DGKI: variants seen among roughly 807,000 people sequenced by gnomAD.
DGKI encodes the protein diacylglycerol kinase iota, also known as DAG kinase iota.
A neutral mutation model predicts 147.5 loss-of-function variants in DGKI; 55 were observed. The ratio of observed to expected loss-of-function variants is 0.37; its 90% CI spans 0.30 to 0.47. The LOEUF (loss-of-function observed/expected upper bound fraction) is 0.47. Ranked by LOEUF, DGKI falls within the 20% of genes least tolerant of loss-of-function variation. The probability of loss-of-function intolerance (pLI) is 1.00; values close to 1 mark genes in which losing one functional copy is unlikely to be tolerated. For missense variants in DGKI, 1,007 were observed against 1,323.8 expected (o/e 0.76, Z 3.71); for synonymous variants, 469 against 477.1 (o/e 0.98, Z 0.22).
At chr7:137,601,024 C>A (rs1446713707) in intron 10 of DGKI, among the ~76,000 whole-genome samples, 1 of 152,168 alleles carries the variant, frequency 6.6e-6, no homozygotes, top group Non-Finnish European at 1.5e-5. Flanking sequence ...GTAATCCCAG[C>A]ACCTTGGGAG....
At chr7:137,790,953 G>T (rs1268816899) in intron 1 of DGKI, among the ~76,000 whole-genome samples, 1 of 152,122 alleles carries the variant, frequency 6.6e-6, no homozygotes, top group Admixed American at 6.6e-5. Context: ...GCACCACTGG[G>T]GTCAGTGTTG....
At chr7:137,716,329 T>G (rs541446055) in intron 1 of DGKI, among the ~76,000 whole-genome samples, 3 of 152,336 alleles carry the variant, frequency 2.0e-5, no homozygotes, top group Non-Finnish European at 4.4e-5. Context: ...TTTAAATGAC[T>G]GTAAAAATTT....
At chr7:137,665,751 C>G (rs2116321032) in intron 3 of DGKI, among the ~76,000 whole-genome samples, 1 of 151,952 alleles carries the variant, frequency 6.6e-6, no homozygotes, top group African/African-American at 2.4e-5. Context: ...TTGTTTGAAC[C>G]AGAAAGAAAA....
intron 23 of DGKI, among the ~76,000 whole-genome samples, chr7:137,474,211 T>C (rs1052999835): frequency 3.9e-5 from 6 of 152,204 alleles, no homozygotes; most frequent in African/African-American, 1.2e-4. Flanking sequence ...TCTACATATA[T>C]AAAATGTACA....
Position 137,846,226 on chromosome 7 carries a change from C to T in DGKI, c.401+236G>A, listed in dbSNP as rs1168696260. On this transcript the variant is annotated intron_variant, in intron 1 of 32. Transcript: ENST00000614521. This position sits in a 1 kb window ranked among gnomAD's most constrained non-coding sequence, Gnocchi z 4.0. ...ACAGACAAAATTTCTGTTGCTCTGA[C>T]CTTAGGGACCCAGTGCTTCTCTCCT... Among the ~76,000 whole-genome samples, 4 of 150,212 alleles carry T rather than the reference C, an allele frequency of 2.7e-5. No individual in the cohort carries two copies. Among genetic ancestry groups the T allele is most frequent in the Admixed American group, 6.6e-5 (1 of 15,050 alleles).
chr7:137,560,084 A>T (rs1407193527), intron 19 of DGKI, among the ~76,000 whole-genome samples: 2 of 152,192 alleles, frequency 1.3e-5, no homozygotes, highest in East Asian at 3.9e-4. Context: ...TCACAACGAA[A>T]CACAATCCAG....
At chr7:137,457,691 T>C (rs1814258635) in intron 27 of DGKI, among the ~76,000 whole-genome samples, 2 of 152,316 alleles carry the variant, frequency 1.3e-5, no homozygotes, top group Admixed American at 1.3e-4. Context: ...TGTCCAAATT[T>C]CCTTGAGCAC....
chr7:137,400,808 T>C (rs1287118639), intron 30 of DGKI, among the ~76,000 whole-genome samples: 3 of 152,190 alleles, frequency 2.0e-5, no homozygotes, highest in African/African-American at 7.2e-5. Flanking sequence ...ATCAATTTAA[T>C]TAACTTCAAC....
chr7:137,641,230 G>A (rs1052780186), intron 6 of DGKI, among the ~76,000 whole-genome samples: 2 of 152,094 alleles, frequency 1.3e-5, no homozygotes, highest in Admixed American at 1.3e-4. Context: ...CCCCAGCCAC[G>A]TGGAACTGTA....
At chr7:137,818,717 C>T (rs1410209954) in intron 1 of DGKI, among the ~76,000 whole-genome samples, 1 of 152,160 alleles carries the variant, frequency 6.6e-6, no homozygotes, top group Non-Finnish European at 1.5e-5. Flanking sequence ...GCTGGGATTA[C>T]AGGCGTGAGC....
At chr7:137,564,888 C>T (rs1284908241) in intron 19 of DGKI, among the ~76,000 whole-genome samples, 7 of 152,344 alleles carry the variant, frequency 4.6e-5, no homozygotes, top group African/African-American at 1.4e-4. Context: ...CAACGCCTTG[C>T]GGGGCTCCTA....
chr7:137,392,669 G>C (rs367997630), intron 32 of DGKI, among the ~76,000 whole-genome samples: 3 of 152,256 alleles, frequency 2.0e-5, no homozygotes, highest in East Asian at 1.9e-4. Context: ...GAAGTTCCTT[G>C]AATAATTTTT....
rs758237982 is a variant in DGKI at position 137,645,499 on chromosome 7, C to G, written c.777G>C (p.Gln259His). The G allele has an allele frequency of 1.2e-6, 2 of 1,613,682 alleles. No individual in the cohort carries two copies. The highest frequency in any genetic ancestry group is 2.2e-5 in the South Asian group (2 of 91,030). ...VRHHWVHRRR[Q>H]EGKCKQCGKG... Reference sequence around the variant, plus strand: ...TACCACACTGCTTACATTTCCCCTCCTGCCGACGCCTGTGCACCCAGTGAT... The same window carrying G: ...TACCACACTGCTTACATTTCCCCTCGTGCCGACGCCTGTGCACCCAGTGAT... Residue 259 changes from glutamine (Q) to histidine (H), a missense_variant, in exon 6 of 33, where the codon CAG becomes CAC. Gln to His is a conservative substitution (Grantham distance 24). This residue lies in a region of DGKI where 259 missense variants were observed against 362.5 expected (regional missense o/e 0.71). Coordinates refer to ENST00000614521, the MANE Select transcript of DGKI (RefSeq NM_001321708.2).
intron 1 of DGKI, among the ~76,000 whole-genome samples, chr7:137,809,350 T>G (rs1797488426): frequency 6.6e-6 from 1 of 152,166 alleles, no homozygotes; most frequent in Non-Finnish European, 1.5e-5. Context: ...TCAACAGATT[T>G]GAAAGCCTGA....
intron 21 of DGKI, among the ~76,000 whole-genome samples, chr7:137,518,843 AG>A (rs1816867179): frequency 6.6e-6 from 1 of 152,072 alleles, no homozygotes; most frequent in African/African-American, 2.4e-5. Flanking sequence ...TCCTTTGCCT[AG>A]ATTATATGAT....
chr7:137,461,591 A>G (rs1814444873), intron 27 of DGKI, among the ~76,000 whole-genome samples: 2 of 152,204 alleles, frequency 1.3e-5, no homozygotes, highest in Admixed American at 6.5e-5. Context: ...TAACACAACA[A>G]TTTTATTATG....
intron 24 of DGKI, 50 bp from the exon 25 acceptor site, chr7:137,466,992 AC>A: frequency 1.3e-6 from 2 of 1,580,698 alleles, no homozygotes; most frequent in Non-Finnish European, 1.7e-6. Context: ...GTAATCTGGC[AC>A]CAAATTTATA....
At position 137,846,634 on chromosome 7, in the gene DGKI, C is replaced by T. The variant is rs1356117537; in HGVS notation, c.229G>A (p.Gly77Arg). 7 of 1,070,168 alleles carry T rather than the reference C, an allele frequency of 6.5e-6. No homozygotes were observed. In the South Asian group the frequency reaches 1.6e-4, roughly 24 times the overall value. 66.3% of individuals were successfully genotyped at this position (1,070,168 alleles called of 1,614,324 possible). A position where few individuals can be genotyped will look rare whatever the true frequency, so the allele number is the denominator to read the frequency against. Residue 77 changes from glycine to arginine, a missense_variant, in exon 1 of 33, where the codon GGG becomes AGG. Transcript: ENST00000614521. The surrounding 1 kb of genome is among the most constrained non-coding windows in gnomAD (Gnocchi z 4.0). The stretch of plus-strand genomic sequence containing the variant: ...CCCTCGGCGCCCAGGCAGCAGCTCC[C>T]GGCGCCGCTTCCGCTGCTGCTGCTG... The part of the protein sequence containing the change: ...GGSSSSGSGA[G>R]SCCLGAEGGA...
At chr7:137,532,148 G>T (rs1817362597) in intron 20 of DGKI, among the ~76,000 whole-genome samples, 1 of 152,028 alleles carries the variant, frequency 6.6e-6, no homozygotes, top group South Asian at 2.1e-4. Context: ...CTTAAAATGG[G>T]GAAATCACAT....
Sources: allele counts gnomAD v4.1 joint callset (sites outside exome capture counted in the v4.1 genomes callset), GRCh38; gene constraint gnomAD v4.1.1; regional missense constraint gnomAD v4.1.1; non-coding constraint Gnocchi (gnomAD v3.1); transcripts MANE v1.5; gene names NCBI Gene and HGNC (gene_info 2026-07-23, HGNC 2026-07-21).